DBT: variants seen among roughly 807,000 people sequenced by gnomAD.
DBT encodes lipoamide acyltransferase component of branched-chain alpha-keto acid dehydrogenase complex, mitochondrial.
A neutral mutation model predicts 51.3 loss-of-function variants in DBT; 40 were observed. The ratio of observed to expected loss-of-function variants is 0.78; its 90% CI spans 0.61 to 1.02. The LOEUF is 1.02. Among genes scored for constraint, DBT ranks in the 50% least tolerant of loss-of-function variants. DBT has a pLI of 0.00. For synonymous variants in DBT, 181 were observed against 190.4 expected (o/e 0.95, Z 0.41); for missense variants, 510 against 580.2 (o/e 0.88, Z 1.24).
At chr1:100,208,124 G>C (rs1661912174) in intron 8 of DBT, among the ~76,000 whole-genome samples, 1 of 152,004 alleles carries the variant, frequency 6.6e-6, no homozygotes, top group Non-Finnish European at 1.5e-5. Flanking sequence ...CACAGAGCAA[G>C]ACTCTGTCTC....
At chr1:100,204,053 G>A (rs1661609657) in intron 10 of DBT, among the ~76,000 whole-genome samples, 2 of 152,160 alleles carry the variant, frequency 1.3e-5, no homozygotes, top group Admixed American at 1.3e-4. Flanking sequence ...AGACAAGGAT[G>A]CCCTCTCTCT....
intron 6 of DBT, 24 bp downstream of exon 6, chr1:100,215,959 T>G (rs543387991): frequency 7.4e-5 from 98 of 1,330,462 alleles, no homozygotes; most frequent in Admixed American, 3.0e-4. Context: ...TATTGCCTTA[T>G]AGTATTGTTA....
At chr1:100,230,695 A>G (rs1305605125) in intron 4 of DBT, 38 bp downstream of exon 4, 4 of 1,392,810 alleles carry the variant, frequency 2.9e-6, no homozygotes, top group African/African-American at 1.4e-5. Context: ...AGAGACCAAT[A>G]ATCAATTTGG....
At chr1:100,249,445 T>G in intron 1 of DBT, 1 of 476,450 alleles carries the variant, frequency 2.1e-6, no homozygotes. Context: ...GCTAAACGAA[T>G]ATATCTCTGG....
intron 10 of DBT, among the ~76,000 whole-genome samples, chr1:100,205,266 AC>A (rs1661693706): frequency 6.6e-6 from 1 of 152,084 alleles, no homozygotes; most frequent in Admixed American, 6.5e-5. Flanking sequence ...CAAGAAAAAA[AC>A]AAACAACCCA....
intron 8 of DBT, among the ~76,000 whole-genome samples, chr1:100,207,335 G>T (rs1029444499): frequency 6.6e-6 from 1 of 152,020 alleles, no homozygotes; most frequent in Non-Finnish European, 1.5e-5. Context: ...GAAATGTAAA[G>T]ATTTTATTTT....
chr1:100,210,349 T>TAATAAG (rs1304812625), intron 8 of DBT, among the ~76,000 whole-genome samples: 2 of 127,728 alleles, frequency 1.6e-5, no homozygotes, highest in African/African-American at 5.8e-5. Flanking sequence ...AGAAGAAGAA[T>TAATAAG]AAGAATAATA....
Position 100,233,647 on chromosome 1 carries a change from C to T in DBT, c.251+1789G>A, listed in dbSNP as rs545612185. Among the ~76,000 whole-genome samples the T allele has an allele frequency of 9.2e-5, 14 of 152,322 alleles. No individual in the cohort carries two copies. In the East Asian group the frequency reaches 1.7e-3, roughly 19 times the overall value. On this transcript the variant is annotated intron_variant, in intron 3 of 10. Transcript: ENST00000370132. ...TTACTTCCTGCAGAAAAAGTACACTCACCAGCAGTTTTGCCACAAGAGTAC... is the reference window on the plus strand; with the variant it reads ...TTACTTCCTGCAGAAAAAGTACACTTACCAGCAGTTTTGCCACAAGAGTAC...
intron 4 of DBT, among the ~76,000 whole-genome samples, chr1:100,219,841 A>G (rs1472262157): frequency 1.3e-5 from 2 of 152,128 alleles, no homozygotes; most frequent in African/African-American, 4.8e-5. Context: ...TCTGCTTTGA[A>G]TAGTTTAAGA....
At chr1:100,215,931 C>T (rs574473969) in intron 6 of DBT, 52 bp downstream of exon 6, 3 of 1,084,718 alleles carry the variant, frequency 2.8e-6, no homozygotes, top group Non-Finnish European at 4.3e-6. Flanking sequence ...GAGGTAGCTT[C>T]CCCCAAAATA....
At chr1:100,213,510 T>A (rs1662286106) in intron 7 of DBT, 15 of 1,543,658 alleles carry the variant, frequency 9.7e-6, no homozygotes, top group Non-Finnish European at 1.3e-5. Context: ...AACTCTATCG[T>A]GGTCGTGGGA....
In DBT at chr1:100,216,181, C is replaced by T; in HGVS notation, c.574G>A (p.Val192Ile). ...MENNIKLSEV[V>I]GSGKDGRILK... ...ATTCTGCCATCTTTTCCTGAGCCAA[C>T]AACTTCACTCAGCTTAATCTAAAAA... Residue 192 changes from valine (V) to isoleucine (I), a missense_variant, in exon 6 of 11, where the codon GTT becomes ATT. Physicochemically the swap from Val to Ile is conservative, Grantham distance 29 (BLOSUM62 3). Coordinates refer to ENST00000370132, the MANE Select transcript of DBT (RefSeq NM_001918.5). 6.2e-7 allele frequency: 1 copy of T among 1,612,400 alleles called. No homozygotes were observed. Among genetic ancestry groups the T allele is most frequent in the Admixed American group, 1.7e-5 (1 of 60,026 alleles).
chr1:100,207,460 A>T lies in DBT; in HGVS notation c.1018-824T>A, dbSNP rs1232281234. On this transcript the variant is annotated intron_variant, in intron 8 of 10. Coordinates refer to ENST00000370132, the MANE Select transcript of DBT (RefSeq NM_001918.5). ...TAAACATTATGCTGCATAGTTGTTG[A>T]AACAGTTCTCATTTTATAATATTTA... Among the ~76,000 whole-genome samples the T allele has an allele frequency of 2.6e-5, 4 of 152,304 alleles. No individual in the cohort carries two copies. In the East Asian group the frequency reaches 5.8e-4, roughly 22 times the overall value.
chr1:100,238,412 T>C (rs1041820914), intron 2 of DBT, among the ~76,000 whole-genome samples: 2 of 47,182 alleles, frequency 4.2e-5, no homozygotes, highest in African/African-American at 8.6e-5. Flanking sequence ...TCCTCCTCCT[T>C]CTCTTCTTCT....
chr1:100,200,395 A>C (rs1286642808), intron 10 of DBT, among the ~76,000 whole-genome samples: 1 of 152,236 alleles, frequency 6.6e-6, no homozygotes, highest in Non-Finnish European at 1.5e-5. Context: ...AAAGAAAGGC[A>C]GCAGCACCAG....
At position 100,212,607 on chromosome 1, in the gene DBT, G is replaced by T. The variant is rs114758784; in HGVS notation, c.940-1836C>A. On this transcript the variant is annotated intron_variant, in intron 7 of 10. Coordinates refer to ENST00000370132, the MANE Select transcript of DBT (RefSeq NM_001918.5). ...TAGTTTCTGCCTCATGAGGCTCAGC[G>T]CCCAGTAAGTGAGTAAGTGAAGAGA... Among the ~76,000 whole-genome samples, 5 of 152,196 alleles carry T rather than the reference G, an allele frequency of 3.3e-5. No individual in the cohort carries two copies. In the East Asian group the frequency reaches 9.6e-4, roughly 29 times the overall value.
At chr1:100,240,986 T>C (rs1449026344) in intron 1 of DBT, 102 bp from the exon 2 acceptor site, 2 of 1,142,892 alleles carry the variant, frequency 1.7e-6, no homozygotes, top group African/African-American at 3.1e-5. Context: ...AGTAGAACCA[T>C]TGTCACAATA....
intron 4 of DBT, among the ~76,000 whole-genome samples, chr1:100,220,238 A>G (rs1364936316): frequency 1.3e-5 from 2 of 151,582 alleles, no homozygotes; most frequent in Non-Finnish European, 2.9e-5. Context: ...TAGAAAAACT[A>G]TCTCAGGCTA....
chr1:100,245,631 T>G (rs1664489054), intron 1 of DBT, among the ~76,000 whole-genome samples: 1 of 152,178 alleles, frequency 6.6e-6, no homozygotes, highest in African/African-American at 2.4e-5. Flanking sequence ...ATGCAATTAT[T>G]TGACTAAAAT....
Sources: allele counts gnomAD v4.1 joint callset (sites outside exome capture counted in the v4.1 genomes callset), GRCh38; gene constraint gnomAD v4.1.1; transcripts MANE v1.5; gene names NCBI Gene and HGNC (gene_info 2026-07-23, HGNC 2026-07-21).